Variants in SERPINB7 observed in about 807,000 individuals in gnomAD.
SERPINB7 encodes the protein serpin B7.
SERPINB7 carries 31 observed loss-of-function variants against 37.4 expected under a neutral mutation model. The ratio of observed to expected loss-of-function variants is 0.83; its 90% confidence interval spans 0.62 to 1.12. The LOEUF (loss-of-function observed/expected upper bound fraction) is 1.12, where lower values mean the gene tolerates loss of function less well. Ranked by LOEUF, SERPINB7 falls within the 50% of genes most tolerant of loss-of-function variation. The pLI is 0.00. For synonymous variants in SERPINB7, 163 were observed against 166.1 expected (o/e 0.98, Z 0.14); for missense variants, 521 against 455.3 (o/e 1.14, Z -1.31).
In SERPINB7 at chr18:63,798,555, T is replaced by A. The variant is rs778718939; in HGVS notation, c.455-49T>A. On this transcript the variant is annotated intron_variant, in intron 5 of 7. Transcript: ENST00000398019. ...ATTAATGGTCTTTTTAAATCATTTT[T>A]AAAATTATATTAAAATAAACATTTT... is the stretch of plus-strand genomic sequence containing the variant. 149 of 1,422,690 alleles carry A rather than the reference T, an allele frequency of 1.0e-4. 1 individual carries two copies. Among genetic ancestry groups the A allele is most frequent in the Non-Finnish European group, 1.3e-4 (135 of 1,052,848 alleles). 88.1% of individuals were successfully genotyped at this position (1,422,690 alleles called of 1,614,324 possible).
At chr18:63,766,127 T>G (rs1433064226) in intron 1 of SERPINB7, among the ~76,000 whole-genome samples, 1 of 152,106 alleles carries the variant, frequency 6.6e-6, no homozygotes, top group African/African-American at 2.4e-5. Flanking sequence ...TTGGAAAAGT[T>G]TCCTGGAAGC....
At chr18:63,786,216 A>G (rs866172660) in intron 2 of SERPINB7, among the ~76,000 whole-genome samples, 2,995 of 90,278 alleles carry the variant, frequency 0.033, 384 homozygotes, top group African/African-American at 0.088. Flanking sequence ...ACGTGTATAT[A>G]TATATATATA....
intron 1 of SERPINB7, among the ~76,000 whole-genome samples, chr18:63,779,444 A>T (rs1428753585): frequency 6.6e-6 from 1 of 152,192 alleles, no homozygotes; most frequent in Non-Finnish European, 1.5e-5. Flanking sequence ...GCACCTGCAT[A>T]GAGAAAGATA....
At chr18:63,765,345 T>A (rs2049175124) in intron 1 of SERPINB7, among the ~76,000 whole-genome samples, 1 of 152,188 alleles carries the variant, frequency 6.6e-6, no homozygotes, top group Non-Finnish European at 1.5e-5. Context: ...GTACATTTTC[T>A]CCATCTCTGA....
chr18:63,763,134 A>G (rs2144587517), intron 1 of SERPINB7, among the ~76,000 whole-genome samples: 1 of 152,266 alleles, frequency 6.6e-6, no homozygotes, highest in African/African-American at 2.4e-5. Context: ...GAGATTGGGC[A>G]CCATTGCTGA....
intron 6 of SERPINB7, 123 bp from the exon 7 acceptor site, chr18:63,800,742 GA>G (rs1166397569): frequency 2.4e-5 from 24 of 986,188 alleles, no homozygotes; most frequent in Non-Finnish European, 3.4e-5. Flanking sequence ...AACATGTCAG[GA>G]AAAAATCTGC....
At chr18:63,787,713 G>A (rs896348640) in intron 2 of SERPINB7, among the ~76,000 whole-genome samples, 1 of 152,092 alleles carries the variant, frequency 6.6e-6, no homozygotes, top group Non-Finnish European at 1.5e-5. Flanking sequence ...TTGTTAAAAA[G>A]TTACAGTCTG....
intron 7 of SERPINB7, among the ~76,000 whole-genome samples, chr18:63,803,700 T>G (rs1043971121): frequency 7.2e-5 from 11 of 152,194 alleles, no homozygotes; most frequent in African/African-American, 2.4e-4. Context: ...GAATTCAAGC[T>G]TCCCAGACAG....
rs2049541904 is a variant in SERPINB7, at chr18:63,800,944, A to G, written c.676A>G (p.Ile226Val). The stretch of plus-strand genomic sequence containing the variant: ...TGTTATTGAGGACCCATCAATGAAG[A>G]TTCTTGAGCTCAGATACAATGGTGG... ...LSVIEDPSMK[I>V]LELRYNGGIN... The change falls in exon 7 of 8, where the codon ATT (isoleucine) becomes GTT (valine). Residue 226 changes from isoleucine to valine, a missense_variant. Transcript: ENST00000398019. The G allele has an allele frequency of 6.2e-7, 1 of 1,614,024 alleles. No individual in the cohort carries two copies. Among genetic ancestry groups the G allele is most frequent in the Non-Finnish European group, 8.5e-7 (1 of 1,179,894 alleles).
At chr18:63,802,434 A>G (rs2049559799) in intron 7 of SERPINB7, among the ~76,000 whole-genome samples, 1 of 152,136 alleles carries the variant, frequency 6.6e-6, no homozygotes, top group Non-Finnish European at 1.5e-5. Flanking sequence ...AATAGGTGCC[A>G]TTTATTGAGC....
intron 2 of SERPINB7, among the ~76,000 whole-genome samples, chr18:63,783,290 G>GAA (rs1479973618): frequency 2.0e-5 from 3 of 146,354 alleles, no homozygotes; most frequent in African/African-American, 2.5e-5. Context: ...AAGAAAGAAA[G>GAA]AAAGAAATGC....
chr18:63,762,232 C>T (rs1438109232), intron 1 of SERPINB7, among the ~76,000 whole-genome samples: 1 of 152,152 alleles, frequency 6.6e-6, no homozygotes, highest in Non-Finnish European at 1.5e-5. Flanking sequence ...ATGAATGAAT[C>T]TATTGACTGG....
intron 4 of SERPINB7, among the ~76,000 whole-genome samples, chr18:63,794,669 GAAA>G (rs2049467791): frequency 1.3e-5 from 2 of 151,858 alleles, no homozygotes; most frequent in East Asian, 3.9e-4. Flanking sequence ...CGGCCTGGGC[GAAA>G]GAGCGAGACT....
At chr18:63,768,754 A>G (rs1055469868) in intron 1 of SERPINB7, among the ~76,000 whole-genome samples, 1 of 152,102 alleles carries the variant, frequency 6.6e-6, no homozygotes, top group African/African-American at 2.4e-5. Context: ...CCATCAATTC[A>G]TAGAATGTTT....
chr18:63,756,382 A>G (rs2049122143), intron 1 of SERPINB7, among the ~76,000 whole-genome samples: 1 of 152,210 alleles, frequency 6.6e-6, no homozygotes, highest in South Asian at 2.1e-4. Context: ...CCTGGATATC[A>G]CAGAGTAACT....
intron 1 of SERPINB7, among the ~76,000 whole-genome samples, chr18:63,778,948 A>G (rs1382958300): frequency 6.6e-6 from 1 of 152,216 alleles, no homozygotes; most frequent in Non-Finnish European, 1.5e-5. Context: ...TTTATGCAAG[A>G]AACATAAGAA....
rs757313893 is a variant in SERPINB7, at chr18:63,804,551, G to A, written c.1059G>A (p.Thr353=). The A allele has an allele frequency of 7.5e-5, 121 of 1,613,672 alleles. No individual in the cohort carries two copies. Among genetic ancestry groups the A allele is most frequent in the South Asian group, 2.6e-4 (24 of 91,072 alleles). The part of the protein sequence containing the change: ...NIVEKQLPQS[T]LFRADHPFLF... ...TAGAAAAGCAACTCCCTCAGTCCAC[G>A]CTGTTTAGAGCTGACCACCCATTCC... The change falls in exon 8 of 8, where the codon ACG becomes ACA. Residue 353 remains threonine, a synonymous_variant. Coordinates refer to ENST00000398019, the MANE Select transcript of SERPINB7 (RefSeq NM_003784.4).
At position 63,804,958 on chromosome 18, in the gene SERPINB7, G is replaced by T. The variant is rs2049592434; in HGVS notation, c.*323G>T. 7.7e-6 allele frequency: 2 copies of T among 260,344 alleles called. No homozygotes were observed. The highest frequency in any genetic ancestry group is 1.5e-5 in the Non-Finnish European group (2 of 137,488). The allele number at this position is 260,344 out of a possible 1,614,324, so 16.1% of individuals were successfully genotyped here. Reference sequence around the variant, plus strand: ...CTCAACTGGTAAGGAGAACGTAGAAGTAGCCCTAGGGATCCTTTTTGAAAC... The same window carrying T: ...CTCAACTGGTAAGGAGAACGTAGAATTAGCCCTAGGGATCCTTTTTGAAAC... On this transcript the variant is annotated 3_prime_UTR_variant, in exon 8 of 8. Transcript: ENST00000398019.
At chr18:63,779,079 A>G (rs1394632308) in intron 1 of SERPINB7, among the ~76,000 whole-genome samples, 1 of 152,180 alleles carries the variant, frequency 6.6e-6, no homozygotes, top group Non-Finnish European at 1.5e-5. Context: ...TGTCACACTG[A>G]CATCTTCTTT....
Sources: gnomAD v4.1 joint callset for allele counts (sites outside exome capture counted in the v4.1 genomes callset) on GRCh38, gnomAD v4.1.1 for gene constraint, MANE v1.5 for transcripts, NCBI Gene and HGNC (gene_info 2026-07-23, HGNC 2026-07-21) for gene names.